STIM1: variants seen among roughly 807,000 people sequenced by gnomAD.
The protein encoded by STIM1 is stromal interaction molecule 1.
A neutral mutation model predicts 74.7 loss-of-function variants in STIM1; 25 were observed. That is an observed-to-expected ratio of 0.33 (90% CI 0.24 to 0.47). STIM1 has a LOEUF of 0.47. Among genes scored for constraint, STIM1 ranks in the 20% least tolerant of loss-of-function variants. The pLI is 1.00. For synonymous variants in STIM1, 328 were observed against 348.8 expected (o/e 0.94, Z 0.66); for missense variants, 728 against 920.8 (o/e 0.79, Z 2.71).
chr11:3,911,083 T>C (rs1252786126), intron 1 of STIM1, among the ~76,000 whole-genome samples: 1 of 152,148 alleles, frequency 6.6e-6, no homozygotes, highest in Non-Finnish European at 1.5e-5. Context: ...CTTCCTTCTG[T>C]AAGGGCTTGG....
chr11:3,944,510 A>G (rs1408168905), intron 1 of STIM1, among the ~76,000 whole-genome samples: 1 of 152,108 alleles, frequency 6.6e-6, no homozygotes, highest in East Asian at 1.9e-4. Flanking sequence ...TTGAAAAGAG[A>G]ATGGTCAGAG....
chr11:3,978,578 T>C (rs1201177732), intron 2 of STIM1, among the ~76,000 whole-genome samples: 1 of 150,426 alleles, frequency 6.6e-6, no homozygotes, highest in Non-Finnish European at 1.5e-5. Context: ...CTGTCCAACA[T>C]GGTGAAACCC....
chr11:3,873,322 G>T (rs1185545811), intron 1 of STIM1, among the ~76,000 whole-genome samples: 1 of 151,202 alleles, frequency 6.6e-6, no homozygotes, highest in Admixed American at 6.6e-5. Context: ...GGAGGCTGAG[G>T]CAGGAGAATC....
intron 1 of STIM1, among the ~76,000 whole-genome samples, chr11:3,941,560 G>A (rs1424254524): frequency 1.3e-5 from 2 of 150,822 alleles, no homozygotes; most frequent in African/African-American, 4.9e-5. Flanking sequence ...GTAGCAAATA[G>A]TATTGCCATA....
intron 1 of STIM1, among the ~76,000 whole-genome samples, chr11:3,952,495 CAA>C (rs2093161517): frequency 6.6e-6 from 1 of 150,638 alleles, no homozygotes; most frequent in African/African-American, 2.5e-5. Context: ...TACTATTTTT[CAA>C]AAGACTTGAC....
chr11:3,930,891 C>G (rs2092851617), intron 1 of STIM1, among the ~76,000 whole-genome samples: 1 of 152,224 alleles, frequency 6.6e-6, no homozygotes, highest in Non-Finnish European at 1.5e-5. Flanking sequence ...CTCTGTCATT[C>G]ATTCATGTAT....
chr11:4,038,572 G>T (rs2094122838), intron 3 of STIM1, among the ~76,000 whole-genome samples: 1 of 152,102 alleles, frequency 6.6e-6, no homozygotes, highest in Non-Finnish European at 1.5e-5. Flanking sequence ...AAGAGTCATT[G>T]TCCTTTGTAG....
intron 1 of STIM1, among the ~76,000 whole-genome samples, chr11:3,880,723 T>C (rs1328252879): frequency 2.0e-5 from 3 of 152,174 alleles, no homozygotes; most frequent in Non-Finnish European, 4.4e-5. Context: ...CTGGCCTCCC[T>C]GGTCACCCAG....
intron 4 of STIM1, among the ~76,000 whole-genome samples, chr11:4,055,997 A>T (rs2133086588): frequency 6.6e-6 from 1 of 152,346 alleles, no homozygotes; most frequent in South Asian, 2.1e-4. Flanking sequence ...CTGGTTAAGT[A>T]ACTTATCCAA....
At chr11:3,900,727 A>AC (rs1707160615) in intron 1 of STIM1, among the ~76,000 whole-genome samples, 1 of 151,974 alleles carries the variant, frequency 6.6e-6, no homozygotes, top group Admixed American at 6.6e-5. Flanking sequence ...CTACAGGCAC[A>AC]CCCCGCCATG....
chr11:3,933,681 G>GTC (rs964114125), intron 1 of STIM1, among the ~76,000 whole-genome samples: 6 of 152,088 alleles, frequency 3.9e-5, no homozygotes, highest in Non-Finnish European at 8.8e-5. Flanking sequence ...ATAACCTAGA[G>GTC]TCTCTCTCTC....
rs572103431 is a variant in STIM1 at position 3,959,335 on chromosome 11, A to G, written c.140-8217A>G. On this transcript the variant is annotated intron_variant, in intron 1 of 12. Coordinates refer to ENST00000526596, the MANE Select transcript of STIM1 (RefSeq NM_001382567.1). ...AAGTGGTTGGGAAAGTCGAAGCATT[A>G]GATGGACAGTGGATATTGGTGGTGG... 4.6e-5 allele frequency among the ~76,000 whole-genome samples: 7 copies of G among 152,364 alleles called. No homozygotes were observed. In the South Asian group the frequency reaches 1.4e-3, roughly 32 times the overall value.
intron 3 of STIM1, among the ~76,000 whole-genome samples, chr11:4,054,340 A>G (rs1284313839): frequency 6.6e-6 from 1 of 152,160 alleles, no homozygotes; most frequent in African/African-American, 2.4e-5. Flanking sequence ...TCTTTGTGAC[A>G]TGGCTTCAAC....
intron 3 of STIM1, among the ~76,000 whole-genome samples, chr11:4,025,600 A>G (rs566516084): frequency 2.0e-5 from 3 of 152,232 alleles, no homozygotes; most frequent in African/African-American, 7.2e-5. Context: ...GGTTTTTAAG[A>G]GTGGGTTTCA....
chr11:3,881,440 G>A (rs1415951293), intron 1 of STIM1, among the ~76,000 whole-genome samples: 1 of 127,910 alleles, frequency 7.8e-6, no homozygotes, highest in African/African-American at 3.0e-5. Context: ...GCATGATCTC[G>A]GCTCACTGCC....
At chr11:3,923,604 A>C (rs1344245632) in intron 1 of STIM1, among the ~76,000 whole-genome samples, 3 of 130,496 alleles carry the variant, frequency 2.3e-5, no homozygotes, top group Admixed American at 7.0e-5. Flanking sequence ...GTGAGACCCT[A>C]TCTCAAAAAA....
chr11:4,064,103 C>T (rs2094349979), intron 5 of STIM1, among the ~76,000 whole-genome samples: 1 of 152,162 alleles, frequency 6.6e-6, no homozygotes, highest in African/African-American at 2.4e-5. Flanking sequence ...TCTGATAGAG[C>T]TGGGTATACT....
At chr11:3,983,405 G>A (rs747389076) in intron 2 of STIM1, among the ~76,000 whole-genome samples, 18 of 152,094 alleles carry the variant, frequency 1.2e-4, no homozygotes, top group Admixed American at 1.1e-3. Flanking sequence ...GAAGAGTCCT[G>A]GAGCATTCTC....
intron 2 of STIM1, among the ~76,000 whole-genome samples, chr11:3,992,307 A>G (rs2093624449): frequency 6.6e-6 from 1 of 151,340 alleles, no homozygotes; most frequent in East Asian, 1.9e-4. Context: ...CCAGCTACTC[A>G]GAAGGCTGAG....
Sources: gnomAD v4.1 joint callset for allele counts (sites outside exome capture counted in the v4.1 genomes callset) on GRCh38, gnomAD v4.1.1 for gene constraint, MANE v1.5 for transcripts, NCBI Gene and HGNC (gene_info 2026-07-23, HGNC 2026-07-21) for gene names.